Variants in NCOA2 observed in about 807,000 individuals in gnomAD.
The protein encoded by NCOA2 is class E basic helix-loop-helix protein 75.
Under a neutral mutation model 145.1 loss-of-function variants are expected in NCOA2, and 21 were observed. That is an observed-to-expected ratio of 0.14 (90% CI 0.10 to 0.21). The LOEUF is 0.21. Among genes scored for constraint, NCOA2 ranks in the 10% least tolerant of loss-of-function variants. NCOA2 has a pLI of 1.00. For synonymous variants in NCOA2, 619 were observed against 637.5 expected (o/e 0.97, Z 0.44); for missense variants, 1,472 against 1,837.6 (o/e 0.80, Z 3.64).
intron 1 of NCOA2, among the ~76,000 whole-genome samples, chr8:70,388,941 A>G (rs750322680): frequency 2.0e-5 from 3 of 152,152 alleles, no homozygotes; most frequent in Non-Finnish European, 4.4e-5. Context: ...CATTTCAAGT[A>G]AGTTTAGTAA....
intron 14 of NCOA2, among the ~76,000 whole-genome samples, chr8:70,139,745 C>T (rs1563509152): frequency 6.7e-6 from 1 of 149,802 alleles, no homozygotes; most frequent in African/African-American, 2.5e-5. Flanking sequence ...CTCTGTCTCC[C>T]GGGTTCAAGC....
At chr8:70,142,494 T>C (rs770040623) in intron 13 of NCOA2, among the ~76,000 whole-genome samples, 1 of 152,074 alleles carries the variant, frequency 6.6e-6, no homozygotes, top group Non-Finnish European at 1.5e-5. Flanking sequence ...AGCCCAGGAA[T>C]TCGAGGTGAG....
intron 1 of NCOA2, among the ~76,000 whole-genome samples, chr8:70,382,818 T>C (rs934366786): frequency 2.6e-5 from 4 of 152,202 alleles, no homozygotes; most frequent in Non-Finnish European, 5.9e-5. Flanking sequence ...TTCCTCACCC[T>C]GATTCACTGT....
At chr8:70,218,281 G>A (rs1819834920) in intron 2 of NCOA2, among the ~76,000 whole-genome samples, 1 of 149,590 alleles carries the variant, frequency 6.7e-6, no homozygotes, top group African/African-American at 2.5e-5. Context: ...TGCACCACTG[G>A]TACACATTTG....
At chr8:70,210,999 T>C (rs759392683) in intron 4 of NCOA2, among the ~76,000 whole-genome samples, 36 of 152,232 alleles carry the variant, frequency 2.4e-4, no homozygotes, top group Non-Finnish European at 4.7e-4. Flanking sequence ...AGGGGATCAG[T>C]TGGGGTTGGG....
Position 70,156,572 on chromosome 8 carries a change from C to T in NCOA2, c.1793G>A (p.Gly598Glu). 2 of 1,613,898 alleles carry T rather than the reference C, an allele frequency of 1.2e-6. No homozygotes were observed. Among genetic ancestry groups the T allele is most frequent in the Non-Finnish European group, 1.7e-6 (2 of 1,179,880 alleles). Residue 598 changes from glycine to glutamate, a missense_variant, in exon 11 of 23, where the codon GGA (glycine) becomes GAA (glutamate). By Grantham distance (98) the Gly-to-Glu change is moderately conservative. This residue lies in a region of NCOA2 where 953 missense variants were observed against 1,062.1 expected (regional missense o/e 0.90). Transcript: ENST00000452400. The part of the protein sequence containing the change: ...LYGEPSEGTT[G>E]QAESSCHPGE... The stretch of plus-strand genomic sequence containing the variant: ...AGGATGGCAGCTGCTCTCTGCTTGT[C>T]CAGTTGTACCTTCAGAGGGCTCCCC...
chr8:70,405,444 T>TTG, upstream of NCOA2, among the ~76,000 whole-genome samples: 1 of 117,760 alleles, frequency 8.5e-6, no homozygotes, highest in South Asian at 2.9e-4. Flanking sequence ...AAGGTTTTTT[T>TTG]TTTTTTTTTT....
At chr8:70,349,281 A>C (rs1392675234) in intron 1 of NCOA2, among the ~76,000 whole-genome samples, 1 of 151,544 alleles carries the variant, frequency 6.6e-6, no homozygotes, top group Non-Finnish European at 1.5e-5. Flanking sequence ...CTGTCACAAT[A>C]AAAAAAAATT....
chr8:70,401,635 C>T (rs1563850319), intron 1 of NCOA2, among the ~76,000 whole-genome samples: 1 of 152,052 alleles, frequency 6.6e-6, no homozygotes, highest in Non-Finnish European at 1.5e-5. Context: ...ACCAGTGAAG[C>T]CATTATGAAC....
At position 70,113,340 on chromosome 8, in the gene NCOA2, T is replaced by C; in HGVS notation, c.*292A>G. On this transcript the variant is annotated 3_prime_UTR_variant, in exon 23 of 23. Coordinates refer to ENST00000452400, the MANE Select transcript of NCOA2 (RefSeq NM_006540.4). ...ATTCAATCTGACATGGGTATGAAATTTGCCTGTCAACATTTACTTTTGCAG... is the reference window on the plus strand; with the variant it reads ...ATTCAATCTGACATGGGTATGAAATCTGCCTGTCAACATTTACTTTTGCAG... The C allele has an allele frequency of 4.0e-6, 2 of 503,460 alleles. No individual in the cohort carries two copies. The highest frequency in any genetic ancestry group is 2.9e-5 in the East Asian group (1 of 33,976). 31.2% of individuals were successfully genotyped at this position (503,460 alleles called of 1,614,324 possible). A position where few individuals can be genotyped will look rare whatever the true frequency, so the allele number is the denominator to read the frequency against.
At chr8:70,326,093 A>C (rs942761938) in intron 1 of NCOA2, among the ~76,000 whole-genome samples, 18 of 152,220 alleles carry the variant, frequency 1.2e-4, no homozygotes, top group African/African-American at 3.6e-4. Context: ...TACAGTTCTT[A>C]ATCATATAAA....
At chr8:70,209,598 A>C (rs1022888585) in intron 4 of NCOA2, among the ~76,000 whole-genome samples, 2 of 152,196 alleles carry the variant, frequency 1.3e-5, no homozygotes, top group African/African-American at 4.8e-5. Context: ...TCCCACCCTG[A>C]TCAGTCAGCA....
intron 2 of NCOA2, among the ~76,000 whole-genome samples, chr8:70,284,516 T>C (rs1471233568): frequency 6.6e-6 from 1 of 152,212 alleles, no homozygotes; most frequent in Non-Finnish European, 1.5e-5. Flanking sequence ...CCTAAAAAGC[T>C]AGAAAGGGAA....
chr8:70,152,324 AAAC>A (rs1378930168), intron 11 of NCOA2, among the ~76,000 whole-genome samples: 8 of 152,254 alleles, frequency 5.3e-5, no homozygotes, highest in African/African-American at 1.7e-4. Context: ...ACAAGCATTT[AAAC>A]AACATCAGTA....
chr8:70,435,793 A>G, the NCOA2 span, among the ~76,000 whole-genome samples: 44 of 150,702 alleles, frequency 2.9e-4, 2 homozygotes, highest in Middle Eastern at 0.024. Flanking sequence ...ATTTTTGTGA[A>G]TGTTCACTTT....
At chr8:70,302,427 G>C (rs1316970485) in intron 1 of NCOA2, among the ~76,000 whole-genome samples, 1 of 151,994 alleles carries the variant, frequency 6.6e-6, no homozygotes, top group Non-Finnish European at 1.5e-5. Context: ...TGTTTAAAAG[G>C]CTATACCTCC....
intron 2 of NCOA2, among the ~76,000 whole-genome samples, chr8:70,221,609 G>A (rs1699504682): frequency 6.6e-6 from 1 of 152,168 alleles, no homozygotes; most frequent in African/African-American, 2.4e-5. Context: ...AGTTGCTAGA[G>A]GAAGGGAAAT....
intron 1 of NCOA2, among the ~76,000 whole-genome samples, chr8:70,339,582 T>A (rs1310370942): frequency 6.6e-6 from 1 of 151,558 alleles, no homozygotes; most frequent in East Asian, 1.9e-4. Context: ...GAAAAAAAAA[T>A]AACTTTTAAA....
At chr8:70,159,236 A>ATATATGTATATATATATATG (rs1554578477) in intron 10 of NCOA2, among the ~76,000 whole-genome samples, 1 of 16,042 alleles carries the variant, frequency 6.2e-5, no homozygotes, top group African/African-American at 1.4e-4. Context: ...ATATATATAT[A>ATATATGTATATATATATATG]TATATATTTT....
Sources: gnomAD v4.1 joint callset for allele counts (sites outside exome capture counted in the v4.1 genomes callset) on GRCh38, gnomAD v4.1.1 for gene constraint, gnomAD v4.1.1 regional missense constraint, MANE v1.5 for transcripts, NCBI Gene and HGNC (gene_info 2026-07-23, HGNC 2026-07-21) for gene names.